Variants in PCDHA4 observed in about 807,000 individuals in gnomAD.
The protein encoded by PCDHA4 is protocadherin alpha-4.
Under a neutral mutation model 61.4 loss-of-function variants are expected in PCDHA4, and 49 were observed. The observed-to-expected ratio is 0.80, with a 90% CI of 0.63 to 1.01. PCDHA4 has a LOEUF of 1.01. Among genes scored for constraint, PCDHA4 ranks in the 50% least tolerant of loss-of-function variants. The probability of loss-of-function intolerance (pLI) is 0.00; values close to 1 mark genes in which losing one functional copy is unlikely to be tolerated. For missense variants in PCDHA4, 1,254 were observed against 1,235.8 expected (o/e 1.01, Z -0.22); for synonymous variants, 590 against 550.3 (o/e 1.07, Z -1.01).
At chr5:141,001,833 G>GAGACAGAGAGAGAGGTTGATT (rs1554258319) in intron 3 of PCDHA4, among the ~76,000 whole-genome samples, 1 of 151,780 alleles carries the variant, frequency 6.6e-6, no homozygotes, top group East Asian at 1.9e-4. Context: ...GACAGAGAGG[G>GAGACAGAGAGAGAGGTTGATT]AGACAGAGAG....
At chr5:140,858,508 T>C (rs1554151704) in intron 1 of PCDHA4, 2 of 1,443,968 alleles carry the variant, frequency 1.4e-6, no homozygotes, top group East Asian at 2.5e-5. Context: ...TTTTCTCAAA[T>C]ATGTATCAGA....
chr5:140,808,186 T>C lies in PCDHA4; in HGVS notation c.999T>C (p.His333=), dbSNP rs368094728. 2.5e-6 allele frequency: 4 copies of C among 1,614,204 alleles called. No homozygotes were observed. Among genetic ancestry groups the C allele is most frequent in the African/African-American group, 1.3e-5 (1 of 75,060 alleles). ...AGGGACAGCTCCCACTTTCTGGCCA[T>C]TGTAGAGTTATTGTGGAAGTAGAAG... ...IDKGQLPLSG[H]CRVIVEVEDN... The change falls in exon 1 of 4, where the codon CAT becomes CAC. Residue 333 remains histidine, a synonymous_variant. Coordinates refer to ENST00000530339, the MANE Select transcript of PCDHA4 (RefSeq NM_018907.4).
chr5:140,869,247 C>A (rs1186478553), intron 1 of PCDHA4: 2 of 1,613,526 alleles, frequency 1.2e-6, no homozygotes, highest in Admixed American at 3.3e-5. Context: ...TGGGCCGCAT[C>A]GCGCAGGACC....
chr5:140,828,737 G>A, intron 1 of PCDHA4: 2 of 1,614,254 alleles, frequency 1.2e-6, no homozygotes, highest in Non-Finnish European at 1.7e-6. Flanking sequence ...GACAGCCACA[G>A]ATGGGGGCAA....
At chr5:140,984,788 T>C (rs2097121100) in intron 3 of PCDHA4, among the ~76,000 whole-genome samples, 1 of 152,292 alleles carries the variant, frequency 6.6e-6, no homozygotes, top group Non-Finnish European at 1.5e-5. Context: ...TGGGTGAGCA[T>C]AGACAAACTG....
chr5:140,998,220 C>G (rs1554256199), intron 3 of PCDHA4, among the ~76,000 whole-genome samples: 1 of 152,106 alleles, frequency 6.6e-6, no homozygotes, highest in African/African-American at 2.4e-5. Context: ...ATAACCACAC[C>G]CAGAAATTTG....
At chr5:140,878,879 G>A (rs1315306611) in intron 1 of PCDHA4, among the ~76,000 whole-genome samples, 4 of 152,204 alleles carry the variant, frequency 2.6e-5, no homozygotes, top group Admixed American at 6.5e-5. Flanking sequence ...AGCCTTTCAA[G>A]TAGCTGAGAC....
At chr5:140,866,070 T>C (rs1446078370) in intron 1 of PCDHA4, 1 of 152,178 alleles carries the variant, frequency 6.6e-6, no homozygotes, top group Non-Finnish European at 1.5e-5. Flanking sequence ...CACACTGAGA[T>C]AGGTATTTTG....
chr5:140,953,858 T>C (rs568873240), intron 1 of PCDHA4, among the ~76,000 whole-genome samples: 10 of 152,328 alleles, frequency 6.6e-5, no homozygotes, highest in African/African-American at 1.9e-4. Flanking sequence ...TGTGCCATGG[T>C]GGTTTGCTGC....
At chr5:140,877,766 C>T in intron 1 of PCDHA4, 2 of 1,614,186 alleles carry the variant, frequency 1.2e-6, no homozygotes, top group South Asian at 2.2e-5. Flanking sequence ...GAGAGCCCGC[C>T]CAAGACGGAC....
intron 1 of PCDHA4, among the ~76,000 whole-genome samples, chr5:140,977,127 C>T (rs1197401904): frequency 6.6e-6 from 1 of 152,168 alleles, no homozygotes; most frequent in East Asian, 1.9e-4. Flanking sequence ...AACTGAGTTT[C>T]CTGGTCAGTC....
At chr5:140,824,256 C>A (rs1554129826) in intron 1 of PCDHA4, 2 of 1,360,236 alleles carry the variant, frequency 1.5e-6, no homozygotes, top group Non-Finnish European at 2.1e-6. Context: ...ACAATTATTG[C>A]ACTAATTCAT....
rs1554140693 is a variant in PCDHA4, at chr5:140,844,620, C to G, written c.2385+35048C>G. On this transcript the variant is annotated intron_variant, in intron 1 of 3. Coordinates refer to ENST00000530339, the MANE Select transcript of PCDHA4 (RefSeq NM_018907.4). Reference sequence around the variant, plus strand: ...ATATGACTTAGAAAAATGTTTTCATCAGAAAAACTATACATGATAATTTCA... The same window carrying G: ...ATATGACTTAGAAAAATGTTTTCATGAGAAAAACTATACATGATAATTTCA... Among the ~76,000 whole-genome samples, 3 of 149,238 alleles carry G rather than the reference C, an allele frequency of 2.0e-5. 1 individual carries two copies. Among genetic ancestry groups the G allele is most frequent in the Non-Finnish European group, 3.0e-5 (2 of 66,778 alleles).
intron 1 of PCDHA4, among the ~76,000 whole-genome samples, chr5:140,919,297 G>C (rs1351756549): frequency 6.6e-6 from 1 of 152,120 alleles, no homozygotes; most frequent in African/African-American, 2.4e-5. Context: ...GTTGCTGTTT[G>C]TACAATATAT....
intron 1 of PCDHA4, among the ~76,000 whole-genome samples, chr5:140,950,804 A>G (rs1360919239): frequency 6.6e-6 from 1 of 152,090 alleles, no homozygotes; most frequent in African/African-American, 2.4e-5. Context: ...GTCTGGTTTT[A>G]CCATAGTAGG....
rs782733393 is a variant in PCDHA4 at position 140,875,889 on chromosome 5, G to A, written c.2385+66317G>A. The A allele has an allele frequency of 6.2e-6, 10 of 1,614,054 alleles. No homozygotes were observed. The South Asian group carries it at 8.8e-5, about 14-fold the overall frequency. On this transcript the variant is annotated intron_variant, in intron 1 of 3. Coordinates refer to ENST00000530339, the MANE Select transcript of PCDHA4 (RefSeq NM_018907.4). ...CGGTGTTCAGAGAAAGGGAACAAAA[G>A]GTACCTGTTTCTGAATCTGCGCCTC...
chr5:140,843,509 G>A, intron 1 of PCDHA4: 1 of 1,595,970 alleles, frequency 6.3e-7, no homozygotes. Context: ...GCCCACTGAG[G>A]GCGGGTGCCG....
At position 140,927,139 on chromosome 5, in the gene PCDHA4, C is replaced by G. The variant is rs782726149; in HGVS notation, c.2386-51810C>G. 6 of 1,613,928 alleles carry G rather than the reference C, an allele frequency of 3.7e-6. No homozygotes were observed. The Admixed American group carries it at 5.0e-5, about 13-fold the overall frequency. On this transcript the variant is annotated intron_variant, in intron 1 of 3. Coordinates refer to ENST00000530339, the MANE Select transcript of PCDHA4 (RefSeq NM_018907.4). Reference sequence around the variant, plus strand: ...TTTGGTGGTCAGAGAGCCGGCGGACCGCGAACAGCTGTGCAGGGCCAAAGC... The same window carrying G: ...TTTGGTGGTCAGAGAGCCGGCGGACGGCGAACAGCTGTGCAGGGCCAAAGC...
rs1361440512 is a variant in PCDHA4, at chr5:140,875,201, G to A, written c.2385+65629G>A. 5.0e-5 allele frequency: 30 copies of A among 595,474 alleles called. No homozygotes were observed. The East Asian group carries it at 1.1e-3, about 21-fold the overall frequency. 36.9% of individuals were successfully genotyped at this position (595,474 alleles called of 1,614,324 possible). A position where few individuals can be genotyped will look rare whatever the true frequency, so the allele number is the denominator to read the frequency against. On this transcript the variant is annotated intron_variant, in intron 1 of 3. Coordinates refer to ENST00000530339, the MANE Select transcript of PCDHA4 (RefSeq NM_018907.4). ...AGAATTAAGAGTGACCCAGGAAGTG[G>A]CTAAACCGAAAAGAACCTCAGGATC... is the stretch of plus-strand genomic sequence containing the variant.
Sources: gnomAD v4.1 joint callset for allele counts (sites outside exome capture counted in the v4.1 genomes callset) on GRCh38, gnomAD v4.1.1 for gene constraint, MANE v1.5 for transcripts, NCBI Gene and HGNC (gene_info 2026-07-23, HGNC 2026-07-21) for gene names.